The following ATXN1 variants were observed in gnomAD, a reference collection of about 807,000 sequenced individuals.
ATXN1 encodes ataxin 1, also known as ataxin-1.
In ATXN1, 8 loss-of-function variants were observed where a neutral mutation model predicts 56.4. That is an observed-to-expected ratio of 0.14 (90% CI 0.08 to 0.26). ATXN1 has a LOEUF of 0.26. ATXN1 is among the 10% of genes least tolerant of loss of function. The pLI, the probability that ATXN1 is intolerant of heterozygous loss-of-function variation, is 1.00. For synonymous variants in ATXN1, 514 were observed against 494.6 expected, an observed-to-expected ratio of 1.04 and a Z score of -0.52; for missense variants, 987 against 1,106.5, an observed-to-expected ratio of 0.89 and a Z score of 1.53.
intron 7 of ATXN1, among the ~76,000 whole-genome samples, chr6:16,323,579 G>A (rs1430979171): frequency 6.7e-6 from 1 of 150,312 alleles, no homozygotes; most frequent in Non-Finnish European, 1.5e-5. Context: ...TTTCTGCAGA[G>A]GCTGCCAGGC....
intron 4 of ATXN1, among the ~76,000 whole-genome samples, chr6:16,524,454 C>G (rs1253505033): frequency 1.3e-5 from 2 of 152,218 alleles, no homozygotes; most frequent in Non-Finnish European, 2.9e-5. Flanking sequence ...GACGAGACGT[C>G]TACAGTACGA....
intron 5 of ATXN1, among the ~76,000 whole-genome samples, chr6:16,511,243 T>TA (rs1170953356): frequency 6.6e-6 from 1 of 152,180 alleles, no homozygotes; most frequent in African/African-American, 2.4e-5. Flanking sequence ...AAGTCCTGCT[T>TA]AGAGGGCACC....
intron 5 of ATXN1, among the ~76,000 whole-genome samples, chr6:16,489,847 C>G (rs564775962): frequency 6.6e-6 from 1 of 152,092 alleles, no homozygotes; most frequent in South Asian, 2.1e-4. Context: ...ATAGAAATGG[C>G]TAGAGGGTCT....
chr6:16,653,045 TA>T (rs1404794380), intron 3 of ATXN1: 1 of 152,240 alleles, frequency 6.6e-6, no homozygotes, highest in East Asian at 1.9e-4. Flanking sequence ...AAAAATGTGT[TA>T]ATGCATTTGG....
intron 6 of ATXN1, among the ~76,000 whole-genome samples, chr6:16,347,965 G>A (rs758411020): frequency 1.3e-5 from 2 of 152,170 alleles, no homozygotes; most frequent in East Asian, 1.9e-4. Context: ...TCACCGGAAA[G>A]GTCTGCAGCT....
At chr6:16,589,396 C>T (rs1049333653) in intron 3 of ATXN1, among the ~76,000 whole-genome samples, 6 of 151,268 alleles carry the variant, frequency 4.0e-5, no homozygotes, top group African/African-American at 9.7e-5. Context: ...TGTATATACA[C>T]GCACACATAT....
chr6:16,350,620 T>A (rs1375819164), intron 6 of ATXN1, among the ~76,000 whole-genome samples: 1 of 152,210 alleles, frequency 6.6e-6, no homozygotes, highest in Non-Finnish European at 1.5e-5. Context: ...TTTCCCATAT[T>A]TACTGTGTAG....
At chr6:16,413,997 G>A (rs114648800) in intron 6 of ATXN1, among the ~76,000 whole-genome samples, 3,354 of 152,264 alleles carry the variant, frequency 0.022, 54 homozygotes, top group Non-Finnish European at 0.036. Context: ...TTTGAAAATG[G>A]AACATTGATT....
At chr6:16,417,068 G>T (rs1225680773) in intron 6 of ATXN1, among the ~76,000 whole-genome samples, 1 of 152,114 alleles carries the variant, frequency 6.6e-6, no homozygotes, top group Non-Finnish European at 1.5e-5. Flanking sequence ...GTTTTGCTCT[G>T]TTGCCGAGGC....
At position 16,474,960 on chromosome 6, in the gene ATXN1, A is replaced by C. The variant is rs1016077684; in HGVS notation, c.-161+11012T>G. Among the ~76,000 whole-genome samples the C allele has an allele frequency of 2.0e-5, 3 of 152,336 alleles. No individual in the cohort carries two copies. The South Asian group carries it at 6.2e-4, about 32-fold the overall frequency. ...CTTCTATCCTAAATTTCAAAGAATT[A>C]GACTAGACTGTTTTTACCTATCACC... On this transcript the variant is annotated intron_variant, in intron 6 of 7. Transcript: ENST00000436367.
chr6:16,747,837 G>T (rs979753317), intron 2 of ATXN1, among the ~76,000 whole-genome samples: 42 of 152,186 alleles, frequency 2.8e-4, no homozygotes, highest in African/African-American at 8.2e-4. Flanking sequence ...GGGCGAGGCA[G>T]GGGCAGAGGG....
chr6:16,416,045 G>A (rs910255069), intron 6 of ATXN1, among the ~76,000 whole-genome samples: 3 of 145,636 alleles, frequency 2.1e-5, no homozygotes, highest in East Asian at 2.0e-4. Flanking sequence ...AAACAGGATC[G>A]TCAGGAAAGT....
chr6:16,564,879 C>T (rs1480733525), intron 4 of ATXN1, among the ~76,000 whole-genome samples: 1 of 152,084 alleles, frequency 6.6e-6, no homozygotes, highest in African/African-American at 2.4e-5. Context: ...GTCCTCAATG[C>T]CTCCTGCTCC....
At position 16,687,071 on chromosome 6, in the gene ATXN1, A is replaced by G. The variant is rs562820032; in HGVS notation, c.-614-29170T>C. ...TCAGGATGAACTCAACTTCTAAAATAAAAAGCACCAAGCCATTGGCATGTA... is the reference window on the plus strand; with the variant it reads ...TCAGGATGAACTCAACTTCTAAAATGAAAAGCACCAAGCCATTGGCATGTA... On this transcript the variant is annotated intron_variant, in intron 2 of 7. Coordinates refer to ENST00000436367, the MANE Select transcript of ATXN1 (RefSeq NM_001128164.2). Among the ~76,000 whole-genome samples the G allele has an allele frequency of 2.6e-5, 4 of 152,312 alleles. No homozygotes were observed. The East Asian group carries it at 7.7e-4, about 29-fold the overall frequency.
intron 3 of ATXN1, among the ~76,000 whole-genome samples, chr6:16,617,670 G>A (rs1270193267): frequency 6.7e-6 from 1 of 150,298 alleles, no homozygotes; most frequent in African/African-American, 2.5e-5. Context: ...GGGAGGCTGA[G>A]GCAGGAGAAT....
At chr6:16,462,675 T>C (rs2113628264) in intron 6 of ATXN1, among the ~76,000 whole-genome samples, 1 of 152,306 alleles carries the variant, frequency 6.6e-6, no homozygotes, top group Middle Eastern at 3.4e-3. Context: ...ACATGAGCAA[T>C]GAAAAGCCCT....
chr6:16,446,069 T>A (rs1220901536), intron 6 of ATXN1, among the ~76,000 whole-genome samples: 1 of 151,784 alleles, frequency 6.6e-6, no homozygotes, highest in Non-Finnish European at 1.5e-5. Context: ...AAATGGTATT[T>A]CTAGTTCTAG....
chr6:16,624,069 G>A (rs1561783411), intron 3 of ATXN1, among the ~76,000 whole-genome samples: 2 of 152,168 alleles, frequency 1.3e-5, no homozygotes, highest in Non-Finnish European at 2.9e-5. Context: ...AAGAGTTCTG[G>A]GTTGGGCGTG....
At chr6:16,527,257 G>A (rs1401106775) in intron 4 of ATXN1, among the ~76,000 whole-genome samples, 2 of 152,052 alleles carry the variant, frequency 1.3e-5, no homozygotes, top group African/African-American at 2.4e-5. Flanking sequence ...TCACTTTTGA[G>A]GGGAGGCTGG....
Sources: gnomAD v4.1 joint callset for allele counts (sites outside exome capture counted in the v4.1 genomes callset) on GRCh38, gnomAD v4.1.1 for gene constraint, MANE v1.5 for transcripts, NCBI Gene and HGNC (gene_info 2026-07-23, HGNC 2026-07-21) for gene names.